Variants in CFAP69 observed in about 807,000 individuals in gnomAD.
The protein encoded by CFAP69 is cilia- and flagella-associated protein 69.
In CFAP69, 92 loss-of-function variants were observed where a neutral mutation model predicts 123.0. The observed-to-expected ratio is 0.75, with a 90% CI of 0.63 to 0.89. The LOEUF (loss-of-function observed/expected upper bound fraction) is 0.89. CFAP69 is among the 40% of genes least tolerant of loss of function. The pLI, the probability that CFAP69 is intolerant of heterozygous loss-of-function variation, is 0.00. For synonymous variants in CFAP69, 380 were observed against 364.3 expected (o/e 1.04, Z -0.49); for missense variants, 1,067 against 1,096.9 (o/e 0.97, Z 0.39).
At chr7:90,272,127 A>G (rs1800043529) in intron 8 of CFAP69, 169 bp downstream of exon 8, 4 of 538,762 alleles carry the variant, frequency 7.4e-6, no homozygotes, top group Non-Finnish European at 1.2e-5. Flanking sequence ...CTGCACAATA[A>G]CAAGCCACAC....
chr7:90,248,874 T>C (rs1338439733), intron 1 of CFAP69, among the ~76,000 whole-genome samples: 2 of 152,226 alleles, frequency 1.3e-5, no homozygotes, highest in Admixed American at 1.3e-4. Flanking sequence ...TTTCCTCATC[T>C]GTAAAAGATA....
chr7:90,289,525 G>A (rs1420759789), intron 15 of CFAP69, among the ~76,000 whole-genome samples: 1 of 152,014 alleles, frequency 6.6e-6, no homozygotes, highest in Non-Finnish European at 1.5e-5. Flanking sequence ...CTGGATATGA[G>A]CCTTTTTCTG....
intron 15 of CFAP69, among the ~76,000 whole-genome samples, chr7:90,290,745 CTTTTCTTTTCTTTTCTTTT>C (rs1562902102): frequency 1.5e-3 from 1 of 662 alleles, no homozygotes; most frequent in African/African-American, 5.1e-3. Flanking sequence ...GAAACAATGT[CTTTTCTTTTCTTTTCTTTT>C]CTTTTCTTTT....
At chr7:90,269,768 A>G (rs1391399072) in intron 6 of CFAP69, among the ~76,000 whole-genome samples, 1 of 152,172 alleles carries the variant, frequency 6.6e-6, no homozygotes, top group Admixed American at 6.6e-5. Context: ...GAAGAAAAAG[A>G]AAGAAGATGG....
intron 2 of CFAP69, among the ~76,000 whole-genome samples, chr7:90,256,426 T>C (rs140404892): frequency 6.6e-6 from 1 of 151,802 alleles, no homozygotes; most frequent in Non-Finnish European, 1.5e-5. Flanking sequence ...ATACCTAATG[T>C]AGATGATGGG....
chr7:90,266,702 G>A (rs540028737), intron 5 of CFAP69, among the ~76,000 whole-genome samples: 7 of 151,570 alleles, frequency 4.6e-5, no homozygotes, highest in South Asian at 2.1e-4. Context: ...AGCTTCCTTC[G>A]CTGATTACTG....
At chr7:90,284,813 AAC>A (rs1790028194) in intron 13 of CFAP69, among the ~76,000 whole-genome samples, 1 of 152,236 alleles carries the variant, frequency 6.6e-6, no homozygotes, top group African/African-American at 2.4e-5. Context: ...GAAGATAAAT[AAC>A]ACAAGATAGG....
chr7:90,301,862 G>A (rs981831155), intron 17 of CFAP69: 2 of 152,130 alleles, frequency 1.3e-5, no homozygotes, highest in African/African-American at 2.4e-5. Flanking sequence ...TTGCTGGGTC[G>A]AATAGTAGTT....
At chr7:90,283,760 G>T (rs764772127) in intron 13 of CFAP69, among the ~76,000 whole-genome samples, 1 of 152,028 alleles carries the variant, frequency 6.6e-6, no homozygotes, top group Non-Finnish European at 1.5e-5. Context: ...TTCAGTGATT[G>T]CTTCACTAGT....
At chr7:90,300,084 A>G (rs1398729639) in intron 17 of CFAP69, 25 bp downstream of exon 17, 6 of 1,495,346 alleles carry the variant, frequency 4.0e-6, no homozygotes, top group Non-Finnish European at 4.5e-6. Context: ...AATTGTTAGT[A>G]GAAGCAATTA....
At chr7:90,253,472 C>G (rs1238524876) in intron 1 of CFAP69, among the ~76,000 whole-genome samples, 1 of 152,146 alleles carries the variant, frequency 6.6e-6, no homozygotes, top group African/African-American at 2.4e-5. Context: ...ATCACTGCAA[C>G]CTCCACCTCC....
intron 17 of CFAP69, chr7:90,302,800 G>A (rs538334738): frequency 6.6e-6 from 1 of 152,140 alleles, no homozygotes; most frequent in East Asian, 1.9e-4. Context: ...TGGCTATTGG[G>A]GCTCTTTCTG....
intron 1 of CFAP69, among the ~76,000 whole-genome samples, chr7:90,247,543 G>T (rs1489070579): frequency 2.0e-5 from 3 of 152,080 alleles, no homozygotes; most frequent in Admixed American, 2.0e-4. Context: ...CCATTGTAAA[G>T]ATTAAATTAA....
chr7:90,315,244 C>T (rs1794695122), downstream of CFAP69, among the ~76,000 whole-genome samples: 1 of 152,130 alleles, frequency 6.6e-6, no homozygotes, highest in African/African-American at 2.4e-5. Context: ...CCCAGCCATC[C>T]CATGACTGAG....
At position 90,268,321 on chromosome 7, in the gene CFAP69, A is replaced by T; in HGVS notation, c.469A>T (p.Ile157Leu). The T allele has an allele frequency of 6.2e-7, 1 of 1,609,530 alleles. No individual in the cohort carries two copies. The highest frequency in any genetic ancestry group is 8.5e-7 in the Non-Finnish European group (1 of 1,178,534). Residue 157 changes from isoleucine (I) to leucine (L), a missense_variant, in exon 6 of 23, where the codon ATA becomes TTA. By Grantham distance (5) the Ile-to-Leu change is conservative. Coordinates refer to ENST00000389297, the MANE Select transcript of CFAP69 (RefSeq NM_001039706.3). Reference sequence around the variant, plus strand: ...GAAAATACCAAGTTCTGAATTGAGGATACAAATTTGTAAGTGTATTGTTGA... The same window carrying T: ...GAAAATACCAAGTTCTGAATTGAGGTTACAAATTTGTAAGTGTATTGTTGA... Reference protein sequence around the residue: ...LMKIPSSELRIQICKCIVDFY... With the variant: ...LMKIPSSELRLQICKCIVDFY...
At chr7:90,255,237 G>GT (rs1217238192) in intron 1 of CFAP69, among the ~76,000 whole-genome samples, 186 bp from the exon 2 acceptor site, 1 of 152,116 alleles carries the variant, frequency 6.6e-6, no homozygotes, top group Admixed American at 6.5e-5. Flanking sequence ...TTCAGGAGGG[G>GT]TTTTTTACTC....
intron 17 of CFAP69, chr7:90,302,182 T>A (rs183557388): frequency 1.3e-5 from 2 of 152,368 alleles, no homozygotes; most frequent in Admixed American, 1.3e-4. Flanking sequence ...TGTTTTTTCT[T>A]ATAAATTTGT....
chr7:90,317,056 C>T, the CFAP69 span: 2 of 151,296 alleles, frequency 1.3e-5, no homozygotes, highest in Admixed American at 6.6e-5. Context: ...GGCTCCTCTG[C>T]AGGAAATGAA....
intron 19 of CFAP69, among the ~76,000 whole-genome samples, chr7:90,305,360 A>T (rs1352524588): frequency 6.7e-6 from 1 of 148,850 alleles, no homozygotes; most frequent in Non-Finnish European, 1.5e-5. Context: ...AAAGAAACTG[A>T]TATAAAACTG....
Sources: gnomAD v4.1 joint callset for allele counts (sites outside exome capture counted in the v4.1 genomes callset) on GRCh38, gnomAD v4.1.1 for gene constraint, MANE v1.5 for transcripts, NCBI Gene and HGNC (gene_info 2026-07-23, HGNC 2026-07-21) for gene names.